The following FBXO21 variants were observed in gnomAD, a reference collection of about 807,000 sequenced individuals.
FBXO21 encodes the protein F-box protein 21, also known as F-box only protein 21.
FBXO21 carries 32 observed loss-of-function variants against 76.6 expected under a neutral mutation model. The ratio of observed to expected loss-of-function variants is 0.42; its 90% CI spans 0.32 to 0.56. The LOEUF (loss-of-function observed/expected upper bound fraction) is 0.56, where lower values mean the gene tolerates loss of function less well. FBXO21 is among the 20% of genes least tolerant of loss of function. FBXO21 has a pLI of 0.16. For synonymous variants in FBXO21, 328 were observed against 311.5 expected (o/e 1.05, Z -0.56); for missense variants, 586 against 797.3 (o/e 0.73, Z 3.19).
chr12:117,186,301 T>C (rs1268116085), intron 3 of FBXO21, among the ~76,000 whole-genome samples, 176 bp downstream of exon 3: 1 of 152,246 alleles, frequency 6.6e-6, no homozygotes, highest in Non-Finnish European at 1.5e-5. Flanking sequence ...GGTTTCTTTA[T>C]ATGTCAATTG....
At chr12:117,169,983 A>G (rs1436112180) in intron 7 of FBXO21, among the ~76,000 whole-genome samples, 2 of 152,186 alleles carry the variant, frequency 1.3e-5, no homozygotes, top group African/African-American at 4.8e-5. Context: ...CACAGATACT[A>G]TGATTATCCA....
chr12:117,172,757 T>C, intron 6 of FBXO21, 150 bp from the exon 7 acceptor site: 1 of 741,016 alleles, frequency 1.3e-6, no homozygotes, highest in South Asian at 2.4e-5. Flanking sequence ...AGGTCAGGGG[T>C]GGGTAAACTA....
At position 117,167,745 on chromosome 12, in the gene FBXO21, C is replaced by CA. The variant is rs113871818; in HGVS notation, c.1014-669dup. 1.6e-3 allele frequency among the ~76,000 whole-genome samples: 213 copies of CA among 134,490 alleles called. 1 individual carries two copies. Among genetic ancestry groups the CA allele is most frequent in the Non-Finnish European group, 1.7e-3 (104 of 62,660 alleles). 88.2% of individuals were successfully genotyped at this position (134,490 alleles called of 152,430 possible). A position where few individuals can be genotyped will look rare whatever the true frequency, so the allele number is the denominator to read the frequency against. On this transcript the variant is annotated intron_variant, in intron 7 of 11. Transcript: ENST00000622495. Reference sequence around the variant, plus strand: ...TGGGCGACAGAAAAAGACTCTGTCTCAAAAAAAAAAAAAAAAAGTTACAGC... The same window carrying CA: ...TGGGCGACAGAAAAAGACTCTGTCTCAAAAAAAAAAAAAAAAAAGTTACAGC...
rs930247440 is a variant in FBXO21 at position 117,180,029 on chromosome 12, C to T, written c.471-2388G>A. On this transcript the variant is annotated intron_variant, in intron 3 of 11. Transcript: ENST00000622495. ...TTCAATCCATTCCTGTTATTATCCA[C>T]ACTGATGCTCTAACTGTCACATCTT... Among the ~76,000 whole-genome samples, 108 of 152,210 alleles carry T rather than the reference C, an allele frequency of 7.1e-4. 1 individual carries two copies. The highest frequency in any genetic ancestry group is 1.3e-3 in the Non-Finnish European group (89 of 68,046).
chr12:117,174,118 C>G (rs964324401), intron 6 of FBXO21, 87 bp downstream of exon 6: 1 of 1,111,672 alleles, frequency 9.0e-7, no homozygotes, highest in African/African-American at 1.6e-5. Context: ...GCCTGAGCAA[C>G]AGAGCGAGAC....
At chr12:117,188,508 G>A (rs1279118356) in intron 2 of FBXO21, among the ~76,000 whole-genome samples, 1 of 151,862 alleles carries the variant, frequency 6.6e-6, no homozygotes, top group Non-Finnish European at 1.5e-5. Flanking sequence ...TTGCGCCACT[G>A]CACTCCAGCC....
chr12:117,189,001 C>G lies in FBXO21; in HGVS notation c.375+226G>C, dbSNP rs529908707. 8.8e-6 allele frequency: 5 copies of G among 566,992 alleles called. No homozygotes were observed. In the East Asian group the frequency reaches 9.1e-5, roughly 10 times the overall value. The allele number at this position is 566,992 out of a possible 1,614,324, so 35.1% of individuals were successfully genotyped here. A position where few individuals can be genotyped will look rare whatever the true frequency, so the allele number is the denominator to read the frequency against. The stretch of plus-strand genomic sequence containing the variant: ...GGTCCCTCCCTGCTCCCTCCACCCC[C>G]ACTCTCTCTCTGGCTTTAGAAAAGT... On this transcript the variant is annotated intron_variant, in intron 2 of 11. Transcript: ENST00000622495.
At chr12:117,150,878 T>TGC (rs1471273796) in intron 11 of FBXO21, among the ~76,000 whole-genome samples, 1 of 148,022 alleles carries the variant, frequency 6.8e-6, no homozygotes, top group Non-Finnish European at 1.5e-5. Context: ...GGACTGTGTG[T>TGC]GTGTGTGTGT....
At chr12:117,178,885 A>G (rs1956202378) in intron 3 of FBXO21, among the ~76,000 whole-genome samples, 1 of 152,160 alleles carries the variant, frequency 6.6e-6, no homozygotes, top group Non-Finnish European at 1.5e-5. Context: ...CCACTACAGT[A>G]TAAGCCCCAT....
In FBXO21 at chr12:117,163,254, C is replaced by T. The variant is rs140584990; in HGVS notation, c.1326+2231G>A. Among the ~76,000 whole-genome samples the T allele has an allele frequency of 1.9e-3, 297 of 152,366 alleles. 5 individuals carry two copies. Among genetic ancestry groups the T allele is most frequent in the East Asian group, 0.016 (81 of 5,192 alleles). On this transcript the variant is annotated intron_variant, in intron 9 of 11. Transcript: ENST00000622495. ...TTTACATTTAAAGAAACTTGCAGGC[C>T]GGGCACGGTGGCTCACGCCTGCAAT... is the stretch of plus-strand genomic sequence containing the variant.
Position 117,165,598 on chromosome 12 carries a change from A to ATGAC in FBXO21, c.1209_1212dup (p.Tyr405ValfsTer42). ...TCCAGCGAGTCTCTCAGGAGCTGGT[A>ATGAC]TGACTGGTCGATGCCTTCCCTAGCA... On this transcript the variant is annotated frameshift_variant, in exon 9 of 12. Transcript: ENST00000622495. LOFTEE classifies it high-confidence loss of function. 1 of 1,611,550 alleles carries ATGAC rather than the reference A, an allele frequency of 6.2e-7. No homozygotes were observed. The highest frequency in any genetic ancestry group is 8.5e-7 in the Non-Finnish European group (1 of 1,178,268).
Position 117,155,570 on chromosome 12 carries a change from C to A in FBXO21, c.1675+221G>T, listed in dbSNP as rs527790665. On this transcript the variant is annotated intron_variant, in intron 11 of 11. Coordinates refer to ENST00000622495, the MANE Select transcript of FBXO21 (RefSeq NM_015002.3). ...TGTCCGGGCTGTGGGAGCGGAGGCC[C>A]TGGGGGAGGGCGGGTATGACTACTG... 3 of 602,246 alleles carry A rather than the reference C, an allele frequency of 5.0e-6. No homozygotes were observed. In the South Asian group the frequency reaches 5.9e-5, roughly 12 times the overall value. 37.3% of individuals were successfully genotyped at this position (602,246 alleles called of 1,614,324 possible).
At chr12:117,186,411 A>G in intron 3 of FBXO21, 66 bp downstream of exon 3, 2 of 1,077,356 alleles carry the variant, frequency 1.9e-6, no homozygotes, top group South Asian at 2.6e-5. Flanking sequence ...TTAGCCACAC[A>G]GAAATTACAG....
At chr12:117,163,035 G>C (rs529821565) in intron 9 of FBXO21, among the ~76,000 whole-genome samples, 1 of 152,168 alleles carries the variant, frequency 6.6e-6, no homozygotes, top group Non-Finnish European at 1.5e-5. Context: ...GCTGTCTCAG[G>C]GGCCCTAGCG....
chr12:117,174,700 T>A lies in FBXO21; in HGVS notation c.690A>T (p.Lys230Asn). 6.2e-7 allele frequency: 1 copy of A among 1,614,188 alleles called. No individual in the cohort carries two copies. The change falls in exon 5 of 12, where the codon AAA becomes AAT. Residue 230 changes from lysine (K) to asparagine (N), a missense_variant. By Grantham distance (94) the Lys-to-Asn change is moderately conservative. Coordinates refer to ENST00000622495, the MANE Select transcript of FBXO21 (RefSeq NM_015002.3). ...QIDSIVELVC[K>N]TLRGINSRHP... ...GGCGACTGTTTATGCCCCGAAGGGT[T>A]TTGCAAACAAGCTCCACGATGCTGT...
Position 117,143,645 on chromosome 12 carries a change from G to C in FBXO21, c.*2442C>G, listed in dbSNP as rs1045713903. On this transcript the variant is annotated 3_prime_UTR_variant, in exon 12 of 12. Transcript: ENST00000622495. The stretch of plus-strand genomic sequence containing the variant: ...GGAGGTCATGGTTTACAGGTAGGCT[G>C]TCCGCTCACCAATGCTCAGAAAAAT... 6.6e-6 allele frequency: 1 copy of C among 152,530 alleles called. No individual in the cohort carries two copies. The highest frequency in any genetic ancestry group is 2.4e-5 in the African/African-American group (1 of 41,418). 9.4% of individuals were successfully genotyped at this position (152,530 alleles called of 1,614,324 possible).
chr12:117,158,032 A>C lies in FBXO21; in HGVS notation c.1358T>G (p.Leu453Arg). The C allele has an allele frequency of 6.2e-7, 1 of 1,614,264 alleles. No individual in the cohort carries two copies. The highest frequency in any genetic ancestry group is 8.5e-7 in the Non-Finnish European group (1 of 1,180,040). The change falls in exon 10 of 12, where the codon CTA becomes CGA. Residue 453 changes from leucine (L) to arginine (R), a missense_variant. Around this residue, in one of 6 missense-constraint regions of FBXO21, gnomAD observed 164 missense variants for 236.7 expected, o/e 0.69. Transcript: ENST00000622495. ...CACCGCCCCGTGCTGCCCCGGGTCTAGGGTTTGGATGTGCTGGAGGATGTC... is the reference window on the plus strand; with the variant it reads ...CACCGCCCCGTGCTGCCCCGGGTCTCGGGTTTGGATGTGCTGGAGGATGTC... The part of the protein sequence containing the change: ...VLDILQHIQT[L>R]DPGQHGAVGY...
intron 7 of FBXO21, among the ~76,000 whole-genome samples, chr12:117,168,482 C>T (rs1340697347): frequency 6.6e-6 from 1 of 151,862 alleles, no homozygotes; most frequent in African/African-American, 2.4e-5. Flanking sequence ...CAAGATCGCA[C>T]CACTGCCCTC....
At chr12:117,174,619 TA>T (rs774472813) in intron 5 of FBXO21, 31 bp downstream of exon 5, 2 of 1,602,718 alleles carry the variant, frequency 1.2e-6, no homozygotes, top group South Asian at 2.2e-5. Context: ...TTTTCTTTCA[TA>T]AATACAGCTG....
Sources: gnomAD v4.1 joint callset for allele counts (sites outside exome capture counted in the v4.1 genomes callset) on GRCh38, gnomAD v4.1.1 for gene constraint, gnomAD v4.1.1 regional missense constraint, MANE v1.5 for transcripts, NCBI Gene and HGNC (gene_info 2026-07-23, HGNC 2026-07-21) for gene names.